Variants in FGF14 observed in about 807,000 individuals in gnomAD.
FGF14 encodes the protein fibroblast growth factor homologous factor 4.
Under a neutral mutation model 25.5 loss-of-function variants are expected in FGF14, and 5 were observed. The observed-to-expected ratio is 0.20, with a 90% CI of 0.10 to 0.41. The LOEUF is 0.41. FGF14 is among the 10% of genes least tolerant of loss of function. FGF14 has a pLI of 1.00. For missense variants in FGF14, 222 were observed against 320.1 expected (o/e 0.69, Z 2.34); for synonymous variants, 138 against 118.3 (o/e 1.17, Z -1.08).
chr13:102,128,663 C>T (rs892712844), intron 1 of FGF14, among the ~76,000 whole-genome samples: 1 of 152,164 alleles, frequency 6.6e-6, no homozygotes, highest in African/African-American at 2.4e-5. Flanking sequence ...GAAGCTCATT[C>T]TAGGTCACTG....
At position 101,954,523 on chromosome 13, in the gene FGF14, G is replaced by T. The variant is rs113983929; in HGVS notation, c.209-79227C>A. On this transcript the variant is annotated intron_variant, in intron 1 of 4. Coordinates refer to the FGF14 transcript ENST00000376131. ...TGAGAACATTCCTTTATGCTTGCAA[G>T]AAGTTAAAAATAAAGATCTGAGACA... Among the ~76,000 whole-genome samples, 12 of 152,324 alleles carry T rather than the reference G, an allele frequency of 7.9e-5. 1 individual carries two copies. Among genetic ancestry groups the T allele is most frequent in the African/African-American group, 2.9e-4 (12 of 41,562 alleles).
intron 3 of FGF14, among the ~76,000 whole-genome samples, chr13:101,810,923 A>AC (rs2041468608): frequency 6.6e-6 from 1 of 152,166 alleles, no homozygotes; most frequent in East Asian, 1.9e-4. Flanking sequence ...GGTTTCACTT[A>AC]TTTAAAAAAA....
At chr13:102,300,938 TAC>T (rs3066020) in intron 1 of FGF14, among the ~76,000 whole-genome samples, 23,775 of 76,646 alleles carry the variant, frequency 0.31, 2,231 homozygotes, top group East Asian at 0.58. Context: ...CACACACACA[TAC>T]ACACACACAC....
chr13:102,378,369 TAA>T (rs2058090011), intron 1 of FGF14, among the ~76,000 whole-genome samples: 1 of 152,202 alleles, frequency 6.6e-6, no homozygotes, highest in Admixed American at 6.6e-5. Context: ...TCCAAAAATA[TAA>T]AGTCTTTAAA....
At chr13:102,074,349 T>C (rs2043272842) in intron 1 of FGF14, among the ~76,000 whole-genome samples, 1 of 152,170 alleles carries the variant, frequency 6.6e-6, no homozygotes, top group Non-Finnish European at 1.5e-5. Context: ...TACACATTTG[T>C]TCCTGGGGGA....
chr13:102,254,822 C>G (rs2052361210), intron 1 of FGF14, among the ~76,000 whole-genome samples: 1 of 152,178 alleles, frequency 6.6e-6, no homozygotes, highest in South Asian at 2.1e-4. Context: ...AGTTGGGAAC[C>G]ACTGACATAG....
intron 1 of FGF14, among the ~76,000 whole-genome samples, chr13:102,087,599 T>C (rs7489948): frequency 2.1e-5 from 2 of 94,318 alleles, no homozygotes; most frequent in Admixed American, 2.2e-4. Flanking sequence ...TTTTTTTTTG[T>C]ATTTTTAGTA....
Position 102,400,885 on chromosome 13 carries a change from A to T in FGF14, c.208+586T>A, listed in dbSNP as rs1049855534. ...AGTATTCCCGGTGGCAGGATGTGTCAGAGGCAGACAGGGGGAATGAGTTAA... is the reference window on the plus strand; with the variant it reads ...AGTATTCCCGGTGGCAGGATGTGTCTGAGGCAGACAGGGGGAATGAGTTAA... On this transcript the variant is annotated intron_variant, in intron 1 of 4. Transcript: ENST00000376131. The surrounding 1 kb of genome is among the most constrained non-coding windows in gnomAD (Gnocchi z 4.3). Among the ~76,000 whole-genome samples the T allele has an allele frequency of 1.2e-4, 18 of 152,190 alleles. No homozygotes were observed. Among genetic ancestry groups the T allele is most frequent in the African/African-American group, 4.3e-4 (18 of 41,542 alleles).
intron 3 of FGF14, among the ~76,000 whole-genome samples, chr13:101,866,873 G>A (rs1227335838): frequency 6.6e-6 from 1 of 152,162 alleles, no homozygotes; most frequent in Non-Finnish European, 1.5e-5. Context: ...TTAGGGTAGG[G>A]GCTGAGTGAA....
intron 1 of FGF14, among the ~76,000 whole-genome samples, chr13:102,272,355 CTTTG>C (rs902491377): frequency 2.0e-5 from 3 of 152,246 alleles, no homozygotes; most frequent in African/African-American, 7.2e-5. Flanking sequence ...ATTTCTTACT[CTTTG>C]TTTATTTGAC....
intron 3 of FGF14, among the ~76,000 whole-genome samples, chr13:101,830,047 G>T (rs2042590949): frequency 1.3e-5 from 2 of 152,050 alleles, no homozygotes; most frequent in African/African-American, 4.8e-5. Flanking sequence ...CCTTAGGCAG[G>T]CGACTGAATC....
upstream of FGF14, among the ~76,000 whole-genome samples, chr13:101,919,119 T>A (rs1188164380): frequency 6.6e-6 from 1 of 152,158 alleles, no homozygotes; most frequent in East Asian, 1.9e-4. Context: ...TATAGAGAGA[T>A]GAAAATAACT....
At chr13:102,280,441 T>A (rs1001251839) in intron 1 of FGF14, among the ~76,000 whole-genome samples, 1 of 152,024 alleles carries the variant, frequency 6.6e-6, no homozygotes, top group African/African-American at 2.4e-5. Context: ...GCTCATAGAA[T>A]CTGGAGGGTG....
At chr13:101,951,070 G>T (rs888075679) in intron 1 of FGF14, among the ~76,000 whole-genome samples, 1 of 152,122 alleles carries the variant, frequency 6.6e-6, no homozygotes, top group African/African-American at 2.4e-5. Flanking sequence ...AATAGCTAGA[G>T]CTACAGCATG....
At chr13:102,003,518 C>CCA (rs2039614146) in intron 1 of FGF14, among the ~76,000 whole-genome samples, 5 of 152,142 alleles carry the variant, frequency 3.3e-5, no homozygotes, top group African/African-American at 1.2e-4. Context: ...GAATACAATG[C>CCA]TAAGCTGAGG....
intron 1 of FGF14, among the ~76,000 whole-genome samples, chr13:102,309,611 C>T (rs2055621507): frequency 6.6e-6 from 1 of 152,116 alleles, no homozygotes; most frequent in South Asian, 2.1e-4. Context: ...ATGAAAAAGT[C>T]AATTCAATAA....
At chr13:101,820,954 CTTT>C (rs138807843) in intron 3 of FGF14, among the ~76,000 whole-genome samples, 1 of 141,302 alleles carries the variant, frequency 7.1e-6, no homozygotes, top group Non-Finnish European at 1.6e-5. Flanking sequence ...TTAGATTTTG[CTTT>C]TTTTTTTTTT....
intron 1 of FGF14, among the ~76,000 whole-genome samples, chr13:101,880,270 G>C (rs77952925): frequency 0.039 from 5,901 of 152,056 alleles, 415 homozygotes; most frequent in African/African-American, 0.14. Context: ...ATAGCATCTG[G>C]CATTAACAAC....
At chr13:102,037,240 T>C (rs368200016) in intron 1 of FGF14, among the ~76,000 whole-genome samples, 1 of 152,180 alleles carries the variant, frequency 6.6e-6, no homozygotes, top group African/African-American at 2.4e-5. Flanking sequence ...GGTTTTAATC[T>C]ACAGAAATTT....
Sources: gnomAD v4.1 joint callset for allele counts (sites outside exome capture counted in the v4.1 genomes callset) on GRCh38, gnomAD v4.1.1 for gene constraint, Gnocchi (gnomAD v3.1) non-coding constraint, MANE v1.5 for transcripts, NCBI Gene and HGNC (gene_info 2026-07-23, HGNC 2026-07-21) for gene names.